TRPM3: variants seen among roughly 807,000 people sequenced by gnomAD.
TRPM3 encodes long transient receptor potential channel 3.
TRPM3 carries 77 observed loss-of-function variants against 181.2 expected under a neutral mutation model. The observed-to-expected ratio is 0.42, with a 90% CI of 0.35 to 0.51. The LOEUF (loss-of-function observed/expected upper bound fraction) is 0.51, where lower values mean the gene tolerates loss of function less well. Ranked by LOEUF, TRPM3 falls within the 20% of genes least tolerant of loss-of-function variation. The pLI is 0.01. For synonymous variants in TRPM3, 745 were observed against 796.4 expected (o/e 0.94, Z 1.09); for missense variants, 1,759 against 2,196.7 (o/e 0.80, Z 3.98).
At chr9:71,143,187 AAAT>A (rs926644873) in intron 1 of TRPM3, among the ~76,000 whole-genome samples, 3 of 151,792 alleles carry the variant, frequency 2.0e-5, no homozygotes, top group African/African-American at 7.3e-5. Flanking sequence ...TTGTCCCATT[AAAT>A]ATTTTTTCTT....
chr9:71,271,640 G>A (rs1235130474), intron 1 of TRPM3, among the ~76,000 whole-genome samples: 3 of 151,116 alleles, frequency 2.0e-5, no homozygotes, highest in Non-Finnish European at 4.4e-5. Context: ...AAAAAAAAAA[G>A]CCCCACCAAA....
intron 1 of TRPM3, among the ~76,000 whole-genome samples, chr9:71,239,379 C>T (rs1213879464): frequency 6.6e-6 from 1 of 152,060 alleles, no homozygotes; most frequent in African/African-American, 2.4e-5. Flanking sequence ...GGAAAATATA[C>T]ATTATTTTCA....
chr9:70,539,236 T>C (rs1293605227), intron 25 of TRPM3, among the ~76,000 whole-genome samples: 1 of 152,118 alleles, frequency 6.6e-6, no homozygotes, highest in East Asian at 1.9e-4. Flanking sequence ...GGGAAGCACA[T>C]ACACTTCAAT....
At chr9:71,027,669 T>C (rs1011804903) in intron 1 of TRPM3, among the ~76,000 whole-genome samples, 2 of 152,130 alleles carry the variant, frequency 1.3e-5, no homozygotes, top group African/African-American at 4.8e-5. Context: ...CATAATGCAA[T>C]TGCAAGTATT....
At chr9:71,392,322 A>G (rs2093080827) in intron 1 of TRPM3, among the ~76,000 whole-genome samples, 2 of 152,116 alleles carry the variant, frequency 1.3e-5, no homozygotes, top group Admixed American at 6.6e-5. Flanking sequence ...AAAGGATAAA[A>G]TGAAATCAAA....
chr9:70,649,605 G>A (rs138425549), intron 9 of TRPM3, among the ~76,000 whole-genome samples: 28 of 152,252 alleles, frequency 1.8e-4, no homozygotes, highest in African/African-American at 6.5e-4. Context: ...ACTATCTGAA[G>A]CCATTCAGAA....
At chr9:70,982,107 A>G (rs1590276180) in intron 1 of TRPM3, among the ~76,000 whole-genome samples, 1 of 151,866 alleles carries the variant, frequency 6.6e-6, no homozygotes, top group East Asian at 1.9e-4. Flanking sequence ...TCCAAAACCA[A>G]TTTCACCTCA....
intron 1 of TRPM3, among the ~76,000 whole-genome samples, chr9:70,882,670 A>G (rs1589506082): frequency 1.3e-5 from 2 of 152,328 alleles, no homozygotes; most frequent in South Asian, 4.1e-4. Context: ...TGCTCTGAAA[A>G]TAACATTATC....
intron 1 of TRPM3, among the ~76,000 whole-genome samples, chr9:71,392,120 C>T (rs1368977297): frequency 1.3e-5 from 2 of 152,048 alleles, no homozygotes; most frequent in Non-Finnish European, 2.9e-5. Flanking sequence ...GAAAATATGA[C>T]AATGAAAATT....
At chr9:70,993,131 C>A (rs930063271) in intron 1 of TRPM3, among the ~76,000 whole-genome samples, 1 of 152,100 alleles carries the variant, frequency 6.6e-6, no homozygotes, top group African/African-American at 2.4e-5. Flanking sequence ...CTCTGTAAAC[C>A]AATGTAAGGA....
Position 71,340,894 on chromosome 9 carries a change from T to C in TRPM3, c.183+105759A>G, listed in dbSNP as rs182720864. The stretch of plus-strand genomic sequence containing the variant: ...GAAAACTATACAAGAGAACCCTGGA[T>C]GATTTGGGGTGCCAGAAAGTAAAAG... On this transcript the variant is annotated intron_variant, in intron 1 of 24. Coordinates refer to the TRPM3 transcript ENST00000357533. 1.4e-3 allele frequency among the ~76,000 whole-genome samples: 217 copies of C among 152,190 alleles called. 1 individual carries two copies. The highest frequency in any genetic ancestry group is 9.3e-3 in the South Asian group (45 of 4,820).
At chr9:70,606,358 C>A (rs565340258) in intron 19 of TRPM3, among the ~76,000 whole-genome samples, 1 of 151,928 alleles carries the variant, frequency 6.6e-6, no homozygotes, top group African/African-American at 2.4e-5. Context: ...TTTTAAATTG[C>A]CCTCATTATT....
intron 22 of TRPM3, among the ~76,000 whole-genome samples, chr9:70,570,302 G>GTTTT (rs142779238): frequency 1.5e-4 from 10 of 68,392 alleles, no homozygotes; most frequent in East Asian, 5.2e-4. Context: ...TATTACTAGA[G>GTTTT]TTTTTTTTTT....
Position 70,864,520 on chromosome 9 carries a change from G to GAAAAAAAAAAAA in TRPM3, c.178-10_178-9insTTTTTTTTTTTT, listed in dbSNP as rs772331942. 2 of 389,356 alleles carry GAAAAAAAAAAAA rather than the reference G, an allele frequency of 5.1e-6. No individual in the cohort carries two copies. Among genetic ancestry groups the GAAAAAAAAAAAA allele is most frequent in the African/African-American group, 7.8e-5 (1 of 12,804 alleles). The allele number at this position is 389,356 out of a possible 1,614,324, so 24.1% of individuals were successfully genotyped here. A position where few individuals can be genotyped will look rare whatever the true frequency, so the allele number is the denominator to read the frequency against. On this transcript the variant is annotated splice_polypyrimidine_tract_variant and intron_variant, in intron 1 of 25. Transcript: ENST00000677713. The stretch of plus-strand genomic sequence containing the variant: ...ATCCAGGATTTCTGAGCCTGAAAAA[G>GAAAAAAAAAAAA]AAAACAAAAAAAAAAAAAAAAGAAA...
chr9:71,182,112 T>A (rs1278568561), intron 1 of TRPM3, among the ~76,000 whole-genome samples: 2 of 152,168 alleles, frequency 1.3e-5, no homozygotes, highest in Admixed American at 1.3e-4. Context: ...TCTTATAAGA[T>A]GAACACAAGC....
rs2060439510 is a variant in TRPM3, at chr9:70,603,375, A to G, written c.2763T>C (p.Tyr921=). 15 of 1,613,898 alleles carry G rather than the reference A, an allele frequency of 9.3e-6. No individual in the cohort carries two copies. The highest frequency in any genetic ancestry group is 1.6e-4 in the Middle Eastern group (1 of 6,084). Residue 921 remains tyrosine (Y), a synonymous_variant, in exon 20 of 26, where the codon TAT becomes TAC. Transcript: ENST00000677713. The part of the protein sequence containing the change: ...PSTQEWIVIS[Y]IFTLGIEKMR... ...TCTTTTCTATTCCCAGGGTGAAAATATAGGAGATTACGATCCATTCCTGGG... is the reference window on the plus strand; with the variant it reads ...TCTTTTCTATTCCCAGGGTGAAAATGTAGGAGATTACGATCCATTCCTGGG...
At chr9:71,092,130 C>G (rs1448210206) in intron 1 of TRPM3, among the ~76,000 whole-genome samples, 1 of 152,068 alleles carries the variant, frequency 6.6e-6, no homozygotes, top group Non-Finnish European at 1.5e-5. Context: ...GACAGAGATA[C>G]TTAATAAGTA....
At chr9:71,431,881 A>G (rs543123761) in intron 1 of TRPM3, among the ~76,000 whole-genome samples, 1 of 152,274 alleles carries the variant, frequency 6.6e-6, no homozygotes, top group Admixed American at 6.5e-5. Context: ...ATGAAACACC[A>G]AAGTCTACAG....
chr9:71,272,859 T>C (rs953106404), intron 1 of TRPM3, among the ~76,000 whole-genome samples: 2 of 151,490 alleles, frequency 1.3e-5, no homozygotes, highest in African/African-American at 4.9e-5. Flanking sequence ...AGTATGAACA[T>C]TGTATGAAAG....
Sources: gnomAD v4.1 joint callset for allele counts (sites outside exome capture counted in the v4.1 genomes callset) on GRCh38, gnomAD v4.1.1 for gene constraint, MANE v1.5 for transcripts, NCBI Gene and HGNC (gene_info 2026-07-23, HGNC 2026-07-21) for gene names.